Variants in RSU1 observed in about 807,000 individuals in gnomAD.
RSU1 encodes Ras suppressor protein 1.
Under a neutral mutation model 31.1 loss-of-function variants are expected in RSU1, and 26 were observed. The observed-to-expected ratio is 0.84, with a 90% confidence interval of 0.61 to 1.16. The LOEUF (loss-of-function observed/expected upper bound fraction) is 1.16, where lower values mean the gene tolerates loss of function less well. Among genes scored for constraint, RSU1 ranks in the 50% most tolerant of loss-of-function variants. RSU1 has a pLI of 0.00. For synonymous variants in RSU1, 164 were observed against 136.3 expected (o/e 1.20, Z -1.41); for missense variants, 320 against 339.1 (o/e 0.94, Z 0.44).
At chr10:16,674,175 G>A (rs1019572069) in intron 8 of RSU1, among the ~76,000 whole-genome samples, 3 of 152,042 alleles carry the variant, frequency 2.0e-5, no homozygotes, top group South Asian at 4.2e-4. Context: ...CCTGGCCCCC[G>A]ATATTGCCCT....
chr10:16,765,245 T>C (rs1837290318), intron 3 of RSU1, among the ~76,000 whole-genome samples: 1 of 152,196 alleles, frequency 6.6e-6, no homozygotes, highest in Non-Finnish European at 1.5e-5. Context: ...ATTGCATTAA[T>C]AACAATATAA....
At chr10:16,618,828 G>A (rs995559643) in intron 8 of RSU1, among the ~76,000 whole-genome samples, 4 of 152,130 alleles carry the variant, frequency 2.6e-5, no homozygotes, top group African/African-American at 4.8e-5. Context: ...GGCCCGTGGT[G>A]GGGTAGGGGA....
At chr10:16,725,552 AC>A (rs1260822101) in intron 7 of RSU1, among the ~76,000 whole-genome samples, 2 of 151,874 alleles carry the variant, frequency 1.3e-5, no homozygotes, top group African/African-American at 4.8e-5. Flanking sequence ...GCACACCTAA[AC>A]CCCTGTGAAA....
intron 4 of RSU1, among the ~76,000 whole-genome samples, chr10:16,760,050 T>C (rs1837177200): frequency 6.6e-6 from 1 of 152,150 alleles, no homozygotes; most frequent in African/African-American, 2.4e-5. Flanking sequence ...CCATCTTAGC[T>C]CCTTTCTCAA....
At chr10:16,684,658 G>A (rs1402940169) in intron 8 of RSU1, among the ~76,000 whole-genome samples, 1 of 152,144 alleles carries the variant, frequency 6.6e-6, no homozygotes, top group Non-Finnish European at 1.5e-5. Flanking sequence ...CTGACACCTT[G>A]ATCTGGGACT....
chr10:16,620,583 T>C (rs538627308), intron 8 of RSU1, among the ~76,000 whole-genome samples: 64 of 150,598 alleles, frequency 4.2e-4, no homozygotes, highest in South Asian at 4.2e-4. Flanking sequence ...GTCTCGCTCA[T>C]GCCTGTAATC....
intron 4 of RSU1, among the ~76,000 whole-genome samples, chr10:16,755,542 A>C (rs79038691): frequency 0.048 from 7,305 of 152,150 alleles, 507 homozygotes; most frequent in African/African-American, 0.15. Context: ...GGAATGGTTT[A>C]AATCATACTA....
intron 8 of RSU1, among the ~76,000 whole-genome samples, chr10:16,661,287 C>CCTGT (rs1554764460): frequency 7.5e-6 from 1 of 132,830 alleles, no homozygotes; most frequent in Non-Finnish European, 1.6e-5. Context: ...GTAGAGAGTG[C>CCTGT]GTGTGTGTGT....
intron 8 of RSU1, among the ~76,000 whole-genome samples, chr10:16,594,099 A>C (rs556452327): frequency 6.6e-6 from 1 of 152,230 alleles, no homozygotes; most frequent in African/African-American, 2.4e-5. Flanking sequence ...ACTGAACAGC[A>C]GAAGGTAATT....
chr10:16,808,668 T>A (rs1207974528), intron 2 of RSU1, among the ~76,000 whole-genome samples: 1 of 152,140 alleles, frequency 6.6e-6, no homozygotes, highest in East Asian at 1.9e-4. Context: ...CACTCAGGTC[T>A]GTATCATTTG....
At chr10:16,707,795 G>T (rs576134256) in intron 7 of RSU1, among the ~76,000 whole-genome samples, 1 of 152,100 alleles carries the variant, frequency 6.6e-6, no homozygotes, top group African/African-American at 2.4e-5. Context: ...CCTTCTCCAG[G>T]TCAATGCTGT....
chr10:16,688,982 T>G (rs570920580), intron 8 of RSU1, among the ~76,000 whole-genome samples: 2 of 147,534 alleles, frequency 1.4e-5, no homozygotes, highest in African/African-American at 5.3e-5. Flanking sequence ...CACTGCAGCC[T>G]GGGTGACAAA....
At chr10:16,647,718 A>G (rs957621183) in intron 8 of RSU1, among the ~76,000 whole-genome samples, 1 of 152,050 alleles carries the variant, frequency 6.6e-6, no homozygotes, top group Non-Finnish European at 1.5e-5. Flanking sequence ...TTCTGGGGGG[A>G]TTATAAAATG....
chr10:16,739,006 C>G (rs374435861), intron 7 of RSU1, among the ~76,000 whole-genome samples: 20 of 152,272 alleles, frequency 1.3e-4, no homozygotes, highest in African/African-American at 4.8e-4. Flanking sequence ...ATGATGGCTT[C>G]CAGCTTCATC....
intron 7 of RSU1, among the ~76,000 whole-genome samples, chr10:16,746,541 T>G (rs1425826531): frequency 6.6e-6 from 1 of 152,078 alleles, no homozygotes; most frequent in Non-Finnish European, 1.5e-5. Flanking sequence ...AAGAGAATTA[T>G]GCAAAACACA....
At chr10:16,765,021 G>C (rs1416205951) in intron 3 of RSU1, among the ~76,000 whole-genome samples, 1 of 151,918 alleles carries the variant, frequency 6.6e-6, no homozygotes, top group Non-Finnish European at 1.5e-5. Flanking sequence ...GCACAAAAGA[G>C]AATTTCTGTA....
At chr10:16,792,334 A>T (rs1333810975) in intron 2 of RSU1, among the ~76,000 whole-genome samples, 1 of 152,138 alleles carries the variant, frequency 6.6e-6, no homozygotes, top group Admixed American at 6.5e-5. Context: ...CCGAGTTCAA[A>T]TGATTCTCCT....
At chr10:16,595,213 G>A (rs991989073) in intron 8 of RSU1, among the ~76,000 whole-genome samples, 2 of 152,178 alleles carry the variant, frequency 1.3e-5, no homozygotes, top group Non-Finnish European at 1.5e-5. Flanking sequence ...TGTGCCTGGC[G>A]TCCAATACTA....
intron 2 of RSU1, 149 bp downstream of exon 2, chr10:16,816,824 C>A: frequency 1.6e-6 from 1 of 616,752 alleles, no homozygotes; most frequent in East Asian, 2.7e-5. Context: ...TACTGCAAAC[C>A]CTCTGCGCGA....
Sources: gnomAD v4.1 joint callset for allele counts (sites outside exome capture counted in the v4.1 genomes callset) on GRCh38, gnomAD v4.1.1 for gene constraint, MANE v1.5 for transcripts, NCBI Gene and HGNC (gene_info 2026-07-23, HGNC 2026-07-21) for gene names.